The following ELL2 variants were observed in gnomAD, a reference collection of about 807,000 sequenced individuals.
ELL2 encodes elongation factor for RNA polymerase II 2.
Under a neutral mutation model 72.8 loss-of-function variants are expected in ELL2, and 21 were observed. The observed-to-expected ratio is 0.29, with a 90% CI of 0.20 to 0.42. ELL2 has a LOEUF of 0.42. ELL2 is among the 10% of genes least tolerant of loss of function. The pLI is 1.00. For synonymous variants in ELL2, 266 were observed against 283.2 expected (o/e 0.94, Z 0.61); for missense variants, 568 against 772.8 (o/e 0.73, Z 3.14).
chr5:95,929,781 TA>T (rs755110562), intron 2 of ELL2, among the ~76,000 whole-genome samples: 322 of 134,568 alleles, frequency 2.4e-3, no homozygotes, highest in African/African-American at 5.5e-3. Context: ...AAAGGAAGGG[TA>T]AAAAAAAAAA....
At chr5:95,950,706 G>A (rs1186393489) in intron 1 of ELL2, among the ~76,000 whole-genome samples, 1 of 151,284 alleles carries the variant, frequency 6.6e-6, no homozygotes, top group African/African-American at 2.4e-5. Context: ...AGATTTGGAA[G>A]AACCAGATTA....
At chr5:95,910,592 C>T (rs559751819) in intron 4 of ELL2, among the ~76,000 whole-genome samples, 15 of 152,198 alleles carry the variant, frequency 9.9e-5, no homozygotes, top group East Asian at 7.7e-4. Flanking sequence ...CTTCTGCCCA[C>T]GAGAGGGTTG....
intron 2 of ELL2, among the ~76,000 whole-genome samples, chr5:95,926,356 T>C (rs999298734): frequency 6.6e-6 from 1 of 152,092 alleles, no homozygotes; most frequent in Non-Finnish European, 1.5e-5. Context: ...ATCCAACACA[T>C]ATTAGAGCCG....
At position 95,898,543 on chromosome 5, in the gene ELL2, G is replaced by T; in HGVS notation, c.1222C>A (p.Gln408Lys). The change falls in exon 8 of 12, where the codon CAA becomes AAA. Residue 408 changes from glutamine (Q) to lysine (K), a missense_variant. Physicochemically the swap from Gln to Lys is moderately conservative, Grantham distance 53. This residue lies in a region of ELL2 where 511 missense variants were observed against 728.4 expected (regional missense o/e 0.70). Transcript: ENST00000237853. ...CTAAAACTGTCAACAGGTAGGTCTT[G>T]AGTCCCCCGGCCTTCTGGAGTGCTA... is the stretch of plus-strand genomic sequence containing the variant. Reference protein sequence around the residue: ...SPSTPEGRGTQDLPVDSFSQN... With the variant: ...SPSTPEGRGTKDLPVDSFSQN... 2.5e-6 allele frequency: 4 copies of T among 1,614,116 alleles called. No individual in the cohort carries two copies. Among genetic ancestry groups the T allele is most frequent in the Non-Finnish European group, 3.4e-6 (4 of 1,180,032 alleles).
In ELL2 at chr5:95,898,966, C is replaced by CAAAG. The variant is rs1358545012; in HGVS notation, c.955-157_955-156insCTTT. On this transcript the variant is annotated intron_variant, in intron 7 of 11. Coordinates refer to ENST00000237853, the MANE Select transcript of ELL2 (RefSeq NM_012081.6). The stretch of plus-strand genomic sequence containing the variant: ...GCTTTCTTCATGCTTAAGCAAAAAA[C>CAAAG]AAACAAACAAAAAACCCAAACAAAA... Among the ~76,000 whole-genome samples, 5 of 152,062 alleles carry CAAAG rather than the reference C, an allele frequency of 3.3e-5. No individual in the cohort carries two copies. In the South Asian group the frequency reaches 8.3e-4, roughly 25 times the overall value.
chr5:95,942,386 A>G (rs1376694062), intron 2 of ELL2, among the ~76,000 whole-genome samples: 3 of 152,158 alleles, frequency 2.0e-5, no homozygotes, highest in African/African-American at 7.2e-5. Flanking sequence ...ACTATGAAAT[A>G]TTAATAGTAA....
chr5:95,932,645 GAAAA>G (rs575073152), intron 2 of ELL2: 8 of 151,832 alleles, frequency 5.3e-5, no homozygotes, highest in Non-Finnish European at 1.5e-5. Context: ...ATTGCTCCAT[GAAAA>G]AAAGAGATCC....
intron 3 of ELL2, among the ~76,000 whole-genome samples, chr5:95,915,876 G>A (rs1749775707): frequency 6.6e-6 from 1 of 152,084 alleles, no homozygotes; most frequent in Non-Finnish European, 1.5e-5. Context: ...ATCACAAAGG[G>A]CTCTGAGGGT....
chr5:95,895,548 G>T, intron 9 of ELL2, 80 bp downstream of exon 9: 2 of 1,370,740 alleles, frequency 1.5e-6, no homozygotes, highest in Non-Finnish European at 2.1e-6. Flanking sequence ...TTACTTTTCT[G>T]ATTTGCAAAT....
chr5:95,954,612 T>G (rs1330035440), intron 1 of ELL2, among the ~76,000 whole-genome samples: 1 of 144,996 alleles, frequency 6.9e-6, no homozygotes, highest in Non-Finnish European at 1.5e-5. Flanking sequence ...TTTTTTTTTT[T>G]TTGTATTTTA....
Position 95,886,073 on chromosome 5 carries a change from C to T in ELL2, c.*2798G>A, listed in dbSNP as rs1212691336. On this transcript the variant is annotated 3_prime_UTR_variant, in exon 12 of 12. Transcript: ENST00000237853. ...ATGAAATGTGATAGAAAAAACTATA[C>T]AACTCATTCTCTAATCTTGCTATTT... is the stretch of plus-strand genomic sequence containing the variant. The T allele has an allele frequency of 6.6e-6, 1 of 152,024 alleles. No individual in the cohort carries two copies. The highest frequency in any genetic ancestry group is 1.5e-5 in the Non-Finnish European group (1 of 67,986). The allele number at this position is 152,024 out of a possible 1,614,324, so 9.4% of individuals were successfully genotyped here.
chr5:95,914,180 G>GA (rs1313443722), intron 3 of ELL2, among the ~76,000 whole-genome samples: 2 of 151,448 alleles, frequency 1.3e-5, no homozygotes, highest in Non-Finnish European at 2.9e-5. Context: ...TTTTGAAAAA[G>GA]AAAAAAAATC....
rs766854852 is a variant in ELL2, at chr5:95,898,512, T to A, written c.1253A>T (p.Asn418Ile). 3 of 1,614,152 alleles carry A rather than the reference T, an allele frequency of 1.9e-6. No individual in the cohort carries two copies. In the South Asian group the frequency reaches 3.3e-5, roughly 18 times the overall value. The change falls in exon 8 of 12, where the codon AAC becomes ATC. Residue 418 changes from asparagine (N) to isoleucine (I), a missense_variant. Around this residue, in one of 2 missense-constraint regions of ELL2, gnomAD observed 511 missense variants for 728.4 expected, o/e 0.70. Transcript: ENST00000237853. ...QDLPVDSFSQ[N>I]DSIYEDQQDK... ...TTGCTGGTCCTCATAGATACTATCG[T>A]TTTGACTAAAACTGTCAACAGGTAG...
At chr5:95,951,947 T>C (rs1296078192) in intron 1 of ELL2, among the ~76,000 whole-genome samples, 1 of 152,194 alleles carries the variant, frequency 6.6e-6, no homozygotes, top group African/African-American at 2.4e-5. Flanking sequence ...GGCAATTTGA[T>C]AGAGAGTTCT....
At chr5:95,955,437 G>T (rs1337786399) in intron 1 of ELL2, among the ~76,000 whole-genome samples, 1 of 152,072 alleles carries the variant, frequency 6.6e-6, no homozygotes, top group African/African-American at 2.4e-5. Flanking sequence ...AAGTATTAGT[G>T]GCAACTCTTA....
chr5:95,928,824 G>A (rs528211948), intron 2 of ELL2, among the ~76,000 whole-genome samples: 3 of 151,802 alleles, frequency 2.0e-5, no homozygotes, highest in Non-Finnish European at 4.4e-5. Context: ...CAGTCTCAAG[G>A]GTCATTTATT....
At chr5:95,934,078 A>C (rs1450727144) in intron 2 of ELL2, among the ~76,000 whole-genome samples, 1 of 152,206 alleles carries the variant, frequency 6.6e-6, no homozygotes, top group Non-Finnish European at 1.5e-5. Flanking sequence ...AAACTGACTT[A>C]TAAATTACCA....
intron 1 of ELL2, among the ~76,000 whole-genome samples, chr5:95,956,619 AAG>A (rs766106137): frequency 2.0e-5 from 3 of 152,192 alleles, no homozygotes; most frequent in Non-Finnish European, 2.9e-5. Flanking sequence ...CAAAAAAAGA[AAG>A]AGAAAAAAGC....
intron 1 of ELL2, among the ~76,000 whole-genome samples, chr5:95,958,333 T>C (rs1751693344): frequency 6.6e-6 from 1 of 152,176 alleles, no homozygotes; most frequent in Non-Finnish European, 1.5e-5. Context: ...ATCCTTCCAC[T>C]GGAGGATAAA....
Sources: gnomAD v4.1 joint callset for allele counts (sites outside exome capture counted in the v4.1 genomes callset) on GRCh38, gnomAD v4.1.1 for gene constraint, gnomAD v4.1.1 regional missense constraint, MANE v1.5 for transcripts, NCBI Gene and HGNC (gene_info 2026-07-23, HGNC 2026-07-21) for gene names.